The following BPTF variants were observed in gnomAD, a reference collection of about 807,000 sequenced individuals.
BPTF encodes nucleosome-remodeling factor subunit BPTF.
Under a neutral mutation model 292.5 loss-of-function variants are expected in BPTF, and 18 were observed. That is an observed-to-expected ratio of 0.06 (90% CI 0.04 to 0.09). BPTF has a LOEUF of 0.09. BPTF is among the 10% of genes least tolerant of loss of function. BPTF has a pLI of 1.00. For synonymous variants in BPTF, 1,225 were observed against 1,251.9 expected (o/e 0.98, Z 0.45); for missense variants, 2,726 against 3,498.7 (o/e 0.78, Z 5.57).
At chr17:67,826,695 T>C (rs1281249017) in intron 1 of BPTF, among the ~76,000 whole-genome samples, 3 of 151,670 alleles carry the variant, frequency 2.0e-5, no homozygotes, top group South Asian at 2.1e-4. Flanking sequence ...TTTCTCCCCT[T>C]GTTTTGGTGT....
chr17:67,945,317 T>A, intron 20 of BPTF, 92 bp from the exon 21 acceptor site: 1 of 1,528,234 alleles, frequency 6.5e-7, no homozygotes, highest in Non-Finnish European at 8.8e-7. Context: ...CTGGCCAGAA[T>A]TCTCAACTTC....
intron 18 of BPTF, chr17:67,936,516 G>A (rs1349967472): frequency 6.6e-6 from 1 of 152,190 alleles, no homozygotes; most frequent in African/African-American, 2.4e-5. Context: ...GTAGCTGTAA[G>A]TATGTGTTTG....
chr17:67,825,700 C>G lies in BPTF; in HGVS notation c.-25C>G. 1.0e-6 allele frequency: 1 copy of G among 995,242 alleles called. No individual in the cohort carries two copies. The highest frequency in any genetic ancestry group is 9.2e-5 in the East Asian group (1 of 10,918). 61.7% of individuals were successfully genotyped at this position (995,242 alleles called of 1,614,324 possible). The stretch of plus-strand genomic sequence containing the variant: ...CGCCCGCCCCTCCCCCTTCGCTTTC[C>G]TTCTCCCCCCGCCTCGGCTCCGACA... On this transcript the variant is annotated 5_prime_UTR_variant, in exon 1 of 28. Coordinates refer to ENST00000306378, the MANE Select transcript of BPTF (RefSeq NM_182641.4).
At chr17:67,863,190 C>G (rs1157842205) in intron 2 of BPTF, among the ~76,000 whole-genome samples, 3 of 152,276 alleles carry the variant, frequency 2.0e-5, no homozygotes, top group African/African-American at 7.2e-5. Flanking sequence ...AGAATCTGTT[C>G]CATGCCTGTC....
chr17:67,946,115 C>T lies in BPTF; in HGVS notation c.7407C>T (p.Leu2469=). The part of the protein sequence containing the change: ...QQSGVPQQIK[L]QLPIQIQQSS... ...GTGGTGTGCCCCAGCAAATCAAACT[C>T]CAGTTACCTATCCAAATTCAGCAAA... The change falls in exon 21 of 28, where the codon CTC becomes CTT. Residue 2469 remains leucine, a synonymous_variant. Transcript: ENST00000306378. The T allele has an allele frequency of 6.2e-7, 1 of 1,614,166 alleles. No homozygotes were observed. The highest frequency in any genetic ancestry group is 8.5e-7 in the Non-Finnish European group (1 of 1,180,030).
At chr17:67,851,572 T>C (rs1301114021) in intron 1 of BPTF, among the ~76,000 whole-genome samples, 2 of 152,248 alleles carry the variant, frequency 1.3e-5, no homozygotes, top group Non-Finnish European at 2.9e-5. Context: ...AAGATATTAG[T>C]ATAAGGCATG....
chr17:67,942,959 G>A (rs12451721), intron 19 of BPTF, among the ~76,000 whole-genome samples: 28,284 of 152,214 alleles, frequency 0.19, 3,644 homozygotes, highest in East Asian at 0.66. Context: ...TGCATTGCCT[G>A]CCTGGAGGGG....
intron 15 of BPTF, among the ~76,000 whole-genome samples, chr17:67,925,477 A>T (rs1488724394): frequency 6.6e-6 from 1 of 152,186 alleles, no homozygotes; most frequent in Non-Finnish European, 1.5e-5. Context: ...CAGCCTGGGC[A>T]ACATAGGGAG....
At chr17:67,924,016 TA>T (rs1284326736) in intron 14 of BPTF, among the ~76,000 whole-genome samples, 1 of 151,420 alleles carries the variant, frequency 6.6e-6, no homozygotes, top group Non-Finnish European at 1.5e-5. Flanking sequence ...TGTTTTTTTT[TA>T]AGACGGAGTC....
At chr17:67,895,220 G>T (rs192329858) in intron 7 of BPTF, among the ~76,000 whole-genome samples, 1 of 150,954 alleles carries the variant, frequency 6.6e-6, no homozygotes, top group African/African-American at 2.4e-5. Flanking sequence ...GTAGTCCCAG[G>T]TACTCGGGAG....
chr17:67,932,732 AT>A (rs1009560386), intron 18 of BPTF, among the ~76,000 whole-genome samples: 12 of 151,754 alleles, frequency 7.9e-5, no homozygotes, highest in African/African-American at 2.2e-4. Flanking sequence ...AATGTTAAAG[AT>A]TTTTTTTTAA....
chr17:67,852,857 C>T (rs993242377), intron 1 of BPTF, among the ~76,000 whole-genome samples: 2 of 152,176 alleles, frequency 1.3e-5, no homozygotes, highest in South Asian at 2.1e-4. Flanking sequence ...CAGAATGGGC[C>T]GGGTGCGGTG....
At chr17:67,981,541 C>G (rs1199254457) in intron 27 of BPTF, 2 of 1,094,466 alleles carry the variant, frequency 1.8e-6, no homozygotes, top group Admixed American at 5.3e-5. Context: ...AATTGCCCCC[C>G]AAAAAGTCAG....
intron 27 of BPTF, among the ~76,000 whole-genome samples, chr17:67,976,454 CAAT>C (rs1555693951): frequency 6.6e-6 from 1 of 152,136 alleles, no homozygotes; most frequent in African/African-American, 2.4e-5. Context: ...GCCTGGGTGA[CAAT>C]GAGACTCTCA....
At chr17:67,862,553 A>G (rs1330517156) in intron 2 of BPTF, among the ~76,000 whole-genome samples, 2 of 152,142 alleles carry the variant, frequency 1.3e-5, no homozygotes, top group Non-Finnish European at 2.9e-5. Context: ...TGGCTCCAGA[A>G]TGTGTGCTCC....
chr17:67,870,001 C>CAAAAAA, intron 3 of BPTF, among the ~76,000 whole-genome samples: 1 of 59,192 alleles, frequency 1.7e-5, no homozygotes, highest in Non-Finnish European at 3.4e-5. Context: ...GACTCCGTCT[C>CAAAAAA]AAAAAAAAAA....
chr17:67,893,147 C>G, intron 5 of BPTF: 1 of 538,648 alleles, frequency 1.9e-6, no homozygotes, highest in East Asian at 3.3e-5. Flanking sequence ...GTAATAGGTA[C>G]TTAATATGTG....
intron 17 of BPTF, among the ~76,000 whole-genome samples, chr17:67,930,390 G>A (rs2064275094): frequency 6.6e-6 from 1 of 151,524 alleles, no homozygotes; most frequent in South Asian, 2.1e-4. Flanking sequence ...GTAGAGATGG[G>A]GTTTTACCAT....
At chr17:67,923,055 A>C in intron 14 of BPTF, 65 bp downstream of exon 14, 4 of 1,370,060 alleles carry the variant, frequency 2.9e-6, no homozygotes, top group East Asian at 2.6e-5. Flanking sequence ...TCAATAAATT[A>C]CTTTTTTTTT....
Sources: gnomAD v4.1 joint callset for allele counts (sites outside exome capture counted in the v4.1 genomes callset) on GRCh38, gnomAD v4.1.1 for gene constraint, MANE v1.5 for transcripts, NCBI Gene and HGNC (gene_info 2026-07-23, HGNC 2026-07-21) for gene names.